Variants in DNAI7 observed in about 807,000 individuals in gnomAD.
The protein encoded by DNAI7 is dynein axonemal intermediate chain 7.
A neutral mutation model predicts 86.6 loss-of-function variants in DNAI7; 78 were observed. The observed-to-expected ratio is 0.90, with a 90% CI of 0.75 to 1.09. The LOEUF is 1.09. DNAI7 is among the 50% of genes least tolerant of loss of function. The pLI, the probability that DNAI7 is intolerant of heterozygous loss-of-function variation, is 0.00. For missense variants in DNAI7, 753 were observed against 810.2 expected, an observed-to-expected ratio of 0.93 and a Z score of 0.86; for synonymous variants, 274 against 273.0, an observed-to-expected ratio of 1.00 and a Z score of -0.04.
intron 1 of DNAI7, among the ~76,000 whole-genome samples, chr12:25,194,326 A>C (rs982254018): frequency 4.6e-5 from 7 of 152,214 alleles, no homozygotes; most frequent in African/African-American, 1.4e-4. Context: ...CTATAAGCAG[A>C]GTTGTCGTCA....
intron 9 of DNAI7, among the ~76,000 whole-genome samples, chr12:25,132,855 T>A (rs73081739): frequency 0.055 from 8,303 of 151,190 alleles, 390 homozygotes; most frequent in South Asian, 0.075. Context: ...GAAATTGTCT[T>A]CTCACTGATG....
intron 7 of DNAI7, among the ~76,000 whole-genome samples, chr12:25,147,476 A>ACCC (rs139493103): frequency 0.047 from 6,914 of 147,718 alleles, 256 homozygotes; most frequent in East Asian, 0.1. Context: ...ACATAATGAG[A>ACCC]CCACCCCCAT....
chr12:25,155,612 G>A (rs1946067289), intron 4 of DNAI7, among the ~76,000 whole-genome samples, 200 bp from the exon 5 acceptor site: 1 of 152,190 alleles, frequency 6.6e-6, no homozygotes, highest in African/African-American at 2.4e-5. Flanking sequence ...GACTCTTGAT[G>A]GGTACCTAAA....
At chr12:25,194,874 T>G in intron 1 of DNAI7, 1 of 1,613,508 alleles carries the variant, frequency 6.2e-7, no homozygotes, top group Middle Eastern at 1.7e-4. Context: ...GAAACTGGTT[T>G]GGGACTCCTA....
chr12:25,180,049 T>G (rs1949356114), intron 2 of DNAI7, among the ~76,000 whole-genome samples: 1 of 152,138 alleles, frequency 6.6e-6, no homozygotes, highest in South Asian at 2.1e-4. Flanking sequence ...ACGGTAAAGA[T>G]TCCTCCAAAT....
At position 25,182,179 on chromosome 12, in the gene DNAI7, C is replaced by G. The variant is rs567610516; in HGVS notation, c.21+8435G>C. ...CCTGACCAACACGGAGAAACCCCAT[C>G]TCTACTAAAAATACAACATTAGCCG... On this transcript the variant is annotated intron_variant, in intron 2 of 15. Transcript: ENST00000395987. Among the ~76,000 whole-genome samples the G allele has an allele frequency of 4.6e-5, 7 of 151,694 alleles. No homozygotes were observed. The East Asian group carries it at 1.2e-3, about 25-fold the overall frequency.
chr12:25,156,671 G>A (rs191233244), intron 4 of DNAI7, among the ~76,000 whole-genome samples: 9 of 151,826 alleles, frequency 5.9e-5, no homozygotes, highest in East Asian at 5.9e-4. Context: ...AACCTGGGAC[G>A]TGGAGGTTGC....
At chr12:25,169,064 C>T (rs1358197638) in intron 2 of DNAI7, among the ~76,000 whole-genome samples, 3 of 152,166 alleles carry the variant, frequency 2.0e-5, no homozygotes, top group Non-Finnish European at 4.4e-5. Flanking sequence ...AACTTTACCA[C>T]TATTTCATTT....
At chr12:25,113,669 ATC>A (rs754013606) in intron 13 of DNAI7, among the ~76,000 whole-genome samples, 3 of 152,320 alleles carry the variant, frequency 2.0e-5, no homozygotes, top group Non-Finnish European at 1.5e-5. Flanking sequence ...ATTCCAGGCT[ATC>A]TCTGTTTTTA....
chr12:25,127,206 AAC>A (rs1323905605), intron 9 of DNAI7, among the ~76,000 whole-genome samples: 2 of 152,224 alleles, frequency 1.3e-5, no homozygotes, highest in Non-Finnish European at 2.9e-5. Context: ...CTGTAATTGC[AAC>A]AGTGTCATCA....
At chr12:25,141,467 C>G (rs1157729035) in intron 9 of DNAI7, among the ~76,000 whole-genome samples, 3 of 152,140 alleles carry the variant, frequency 2.0e-5, no homozygotes, top group Non-Finnish European at 4.4e-5. Flanking sequence ...AGAAAAAATG[C>G]TCAACATTAC....
rs1331935959 is a variant in DNAI7, at chr12:25,114,732, T to C, written c.1535A>G (p.Glu512Gly). The C allele has an allele frequency of 4.3e-6, 7 of 1,613,850 alleles. No individual in the cohort carries two copies. Among genetic ancestry groups the C allele is most frequent in the Non-Finnish European group, 5.9e-6 (7 of 1,179,898 alleles). The change falls in exon 13 of 16, where the codon GAA (glutamate) becomes GGA (glycine). Residue 512 changes from glutamate to glycine, a missense_variant. Physicochemically the swap from Glu to Gly is moderately conservative, Grantham distance 98. Transcript: ENST00000395987. ...TTTATTTACATCAAGTGGTCTTAGT[T>C]CCCATGACTGGTACGGCATGTTAAT... Reference protein sequence around the residue: ...AHINMPYQSWELRPLDVNKVL... With the variant: ...AHINMPYQSWGLRPLDVNKVL...
At chr12:25,128,911 T>C (rs948717281) in intron 9 of DNAI7, among the ~76,000 whole-genome samples, 7 of 152,158 alleles carry the variant, frequency 4.6e-5, no homozygotes, top group Non-Finnish European at 7.3e-5. Flanking sequence ...CACTCCTACT[T>C]ACCACCCTCT....
intron 2 of DNAI7, among the ~76,000 whole-genome samples, chr12:25,170,506 G>A (rs1402660776): frequency 6.6e-6 from 1 of 151,610 alleles, no homozygotes; most frequent in East Asian, 1.9e-4. Flanking sequence ...TAAGAAACAA[G>A]ACAGACAGTA....
chr12:25,167,401 G>A, intron 2 of DNAI7, among the ~76,000 whole-genome samples: 1 of 152,092 alleles, frequency 6.6e-6, no homozygotes. Flanking sequence ...ATCTCTGCTG[G>A]CAGGGGACCC....
chr12:25,148,350 T>C (rs941138602), intron 7 of DNAI7, among the ~76,000 whole-genome samples: 1 of 151,984 alleles, frequency 6.6e-6, no homozygotes, highest in African/African-American at 2.4e-5. Context: ...ATCGAAGACA[T>C]ATGATGTTCC....
intron 13 of DNAI7, among the ~76,000 whole-genome samples, chr12:25,112,713 C>T (rs868434833): frequency 3.3e-5 from 5 of 152,100 alleles, no homozygotes; most frequent in Middle Eastern, 3.4e-3. Flanking sequence ...GCCTACACAT[C>T]TGTTTTTTTT....
In DNAI7 at chr12:25,155,337, T is replaced by C. The variant is rs1365072866; in HGVS notation, c.274A>G (p.Lys92Glu). 1.2e-6 allele frequency: 2 copies of C among 1,603,228 alleles called. No individual in the cohort carries two copies. The highest frequency in any genetic ancestry group is 2.7e-5 in the African/African-American group (2 of 74,586). Residue 92 changes from lysine to glutamate, a missense_variant, in exon 5 of 16, where the codon AAA (lysine) becomes GAA (glutamate). Transcript: ENST00000395987. ...ERCFPEAEKL[K>E]QETKLLSQWK... Reference sequence around the variant, plus strand: ...TGAGAAAGCAATTTAGTTTCCTGTTTCAATTTCTCTGCTTCAGGAAAACAC... The same window carrying C: ...TGAGAAAGCAATTTAGTTTCCTGTTCCAATTTCTCTGCTTCAGGAAAACAC...
intron 2 of DNAI7, among the ~76,000 whole-genome samples, chr12:25,170,749 A>G (rs1443608926): frequency 6.6e-6 from 1 of 152,236 alleles, no homozygotes; most frequent in Non-Finnish European, 1.5e-5. Flanking sequence ...GCCTCAATAC[A>G]TTTAAGAAAA....
Sources: gnomAD v4.1 joint callset for allele counts (sites outside exome capture counted in the v4.1 genomes callset) on GRCh38, gnomAD v4.1.1 for gene constraint, MANE v1.5 for transcripts, NCBI Gene and HGNC (gene_info 2026-07-23, HGNC 2026-07-21) for gene names.